The following ERC2 variants were observed in gnomAD, a reference collection of about 807,000 sequenced individuals.
The protein encoded by ERC2 is ELKS/RAB6-interacting/CAST family member 2.
In ERC2, 42 loss-of-function variants were observed where a neutral mutation model predicts 114.8. The ratio of observed to expected loss-of-function variants is 0.37; its 90% CI spans 0.29 to 0.47. The LOEUF (loss-of-function observed/expected upper bound fraction) is 0.47, where lower values mean the gene tolerates loss of function less well. ERC2 is among the 20% of genes least tolerant of loss of function. The pLI, the probability that ERC2 is intolerant of heterozygous loss-of-function variation, is 0.99. For missense variants in ERC2, 939 were observed against 1,150.7 expected (o/e 0.82, Z 2.66); for synonymous variants, 454 against 425.5 (o/e 1.07, Z -0.82).
At chr3:56,130,831 T>C (rs963245380) in intron 6 of ERC2, among the ~76,000 whole-genome samples, 1 of 152,214 alleles carries the variant, frequency 6.6e-6, no homozygotes, top group South Asian at 2.1e-4. Flanking sequence ...TTAAAAACTT[T>C]AGAAGGTAAA....
chr3:55,794,966 G>T (rs1463072315), intron 14 of ERC2, among the ~76,000 whole-genome samples: 1 of 151,990 alleles, frequency 6.6e-6, no homozygotes, highest in Non-Finnish European at 1.5e-5. Flanking sequence ...TTTTTCTTAG[G>T]TAATACATAG....
chr3:55,768,284 ACAT>A (rs2067958148), intron 14 of ERC2, among the ~76,000 whole-genome samples: 1 of 152,230 alleles, frequency 6.6e-6, no homozygotes, highest in Admixed American at 6.5e-5. Flanking sequence ...GCAAATCAGA[ACAT>A]CAATCCTGGA....
At chr3:55,742,615 A>C (rs1318215425) in intron 14 of ERC2, among the ~76,000 whole-genome samples, 2 of 152,058 alleles carry the variant, frequency 1.3e-5, no homozygotes. Flanking sequence ...TTGTGGGGGG[A>C]AAAAGTCCGC....
chr3:56,155,767 A>T (rs1265305456), intron 4 of ERC2, among the ~76,000 whole-genome samples: 1 of 152,180 alleles, frequency 6.6e-6, no homozygotes, highest in Non-Finnish European at 1.5e-5. Flanking sequence ...GTAATAATAC[A>T]TACAAAATCA....
intron 14 of ERC2, among the ~76,000 whole-genome samples, chr3:55,877,295 C>T (rs532173324): frequency 1.3e-5 from 2 of 152,070 alleles, no homozygotes; most frequent in African/African-American, 4.8e-5. Flanking sequence ...ATAGGTAAAA[C>T]CACCCCCAAT....
chr3:56,135,486 C>T (rs1208746371), intron 6 of ERC2, among the ~76,000 whole-genome samples: 2 of 152,090 alleles, frequency 1.3e-5, no homozygotes, highest in African/African-American at 4.8e-5. Context: ...CCCAAACATC[C>T]CTGATAAACA....
chr3:56,199,120 A>AG (rs1221268927), intron 3 of ERC2, among the ~76,000 whole-genome samples: 1 of 152,202 alleles, frequency 6.6e-6, no homozygotes, highest in African/African-American at 2.4e-5. Flanking sequence ...TGGGTAAGGC[A>AG]GCTGAAAACA....
chr3:55,953,095 C>G (rs998664840), intron 12 of ERC2, among the ~76,000 whole-genome samples: 3 of 151,796 alleles, frequency 2.0e-5, no homozygotes, highest in Non-Finnish European at 4.4e-5. Flanking sequence ...GTCCCAGGTA[C>G]TCGGGAGGCT....
chr3:55,934,272 A>G (rs183043279), intron 13 of ERC2, among the ~76,000 whole-genome samples: 40 of 152,330 alleles, frequency 2.6e-4, no homozygotes, highest in Admixed American at 1.2e-3. Context: ...TCTTCAATAC[A>G]GTTTAACCCT....
chr3:55,806,576 T>A (rs1191301161), intron 14 of ERC2, among the ~76,000 whole-genome samples: 1 of 151,980 alleles, frequency 6.6e-6, no homozygotes, highest in African/African-American at 2.4e-5. Flanking sequence ...CAGGTGACAT[T>A]TGGCAATGTC....
intron 7 of ERC2, among the ~76,000 whole-genome samples, chr3:56,033,284 A>G (rs1378225570): frequency 1.3e-5 from 2 of 152,138 alleles, no homozygotes; most frequent in Non-Finnish European, 2.9e-5. Flanking sequence ...TGTGGTCCCA[A>G]TTAACAAACT....
intron 2 of ERC2, among the ~76,000 whole-genome samples, chr3:56,420,325 C>T (rs7652185): frequency 0.043 from 6,548 of 151,514 alleles, 363 homozygotes; most frequent in African/African-American, 0.12. Flanking sequence ...GCTGGGACCA[C>T]AGGCACACAC....
intron 14 of ERC2, among the ~76,000 whole-genome samples, chr3:55,796,938 T>C (rs916888118): frequency 7.9e-5 from 12 of 152,330 alleles, no homozygotes; most frequent in South Asian, 2.1e-4. Flanking sequence ...CCATTTTTTT[T>C]CCCACATATG....
chr3:55,577,075 C>T (rs533273292), intron 17 of ERC2, among the ~76,000 whole-genome samples: 3 of 152,328 alleles, frequency 2.0e-5, no homozygotes, highest in Non-Finnish European at 4.4e-5. Flanking sequence ...CAGAGGCCTG[C>T]GATCAGCCCC....
At chr3:56,305,088 C>A (rs1010520456) in intron 2 of ERC2, among the ~76,000 whole-genome samples, 2 of 151,376 alleles carry the variant, frequency 1.3e-5, no homozygotes, top group African/African-American at 4.9e-5. Context: ...CTTAGAAAAC[C>A]CAAAAGAATC....
intron 2 of ERC2, among the ~76,000 whole-genome samples, chr3:56,324,593 C>A (rs115579934): frequency 1.3e-5 from 2 of 152,074 alleles, no homozygotes; most frequent in African/African-American, 2.4e-5. Flanking sequence ...GTCTAACGGG[C>A]CTTCATGCAT....
intron 2 of ERC2, among the ~76,000 whole-genome samples, chr3:56,372,171 G>T (rs972882927): frequency 6.6e-6 from 1 of 152,232 alleles, no homozygotes; most frequent in African/African-American, 2.4e-5. Context: ...TGCAATGTGA[G>T]TCCAAACAGG....
intron 7 of ERC2, among the ~76,000 whole-genome samples, chr3:56,045,555 A>G (rs2075412241): frequency 6.6e-6 from 1 of 152,184 alleles, no homozygotes; most frequent in Non-Finnish European, 1.5e-5. Flanking sequence ...AATCTTACCT[A>G]GCATTCTGAC....
chr3:56,103,296 CA>C (rs979087694), intron 6 of ERC2, among the ~76,000 whole-genome samples: 1 of 152,116 alleles, frequency 6.6e-6, no homozygotes, highest in African/African-American at 2.4e-5. Flanking sequence ...AGAGATGATA[CA>C]GATGAACTGG....
Sources: gnomAD v4.1 joint callset for allele counts (sites outside exome capture counted in the v4.1 genomes callset) on GRCh38, gnomAD v4.1.1 for gene constraint, MANE v1.5 for transcripts, NCBI Gene and HGNC (gene_info 2026-07-23, HGNC 2026-07-21) for gene names.